Variants in CCDC80 observed in about 807,000 individuals in gnomAD.
CCDC80 encodes the protein coiled-coil domain containing 80.
A neutral mutation model predicts 78.7 loss-of-function variants in CCDC80; 49 were observed. That is an observed-to-expected ratio of 0.62 (90% CI 0.50 to 0.79). The LOEUF (loss-of-function observed/expected upper bound fraction) is 0.79, where lower values mean the gene tolerates loss of function less well. Among genes scored for constraint, CCDC80 ranks in the 30% least tolerant of loss-of-function variants. CCDC80 has a pLI of 0.00. For missense variants in CCDC80, 1,205 were observed against 1,198.6 expected, an observed-to-expected ratio of 1.01 and a Z score of -0.08; for synonymous variants, 488 against 447.0, an observed-to-expected ratio of 1.09 and a Z score of -1.16.
At chr3:112,606,808 A>G (rs957701292) in intron 7 of CCDC80, among the ~76,000 whole-genome samples, 4 of 151,946 alleles carry the variant, frequency 2.6e-5, no homozygotes, top group Non-Finnish European at 5.9e-5. Context: ...GGAATCAATG[A>G]GATATGACCT....
Position 112,600,954 on chromosome 3 carries a change from C to T in CCDC80, c.*4463G>A, listed in dbSNP as rs981731318. On this transcript the variant is annotated 3_prime_UTR_variant, in exon 8 of 8. Coordinates refer to ENST00000206423, the MANE Select transcript of CCDC80 (RefSeq NM_199511.3). ...TCCTGGCAAAAATTTAAAAGCAGTACACTTCGACGTGGCTCACTTTCCTGC... is the reference window on the plus strand; with the variant it reads ...TCCTGGCAAAAATTTAAAAGCAGTATACTTCGACGTGGCTCACTTTCCTGC... 1 of 152,160 alleles carries T rather than the reference C, an allele frequency of 6.6e-6. No individual in the cohort carries two copies. The highest frequency in any genetic ancestry group is 2.4e-5 in the African/African-American group (1 of 41,444). The allele number at this position is 152,160 out of a possible 1,614,324, so 9.4% of individuals were successfully genotyped here. A position where few individuals can be genotyped will look rare whatever the true frequency, so the allele number is the denominator to read the frequency against.
At chr3:112,611,952 T>C (rs1228911228) in intron 5 of CCDC80, among the ~76,000 whole-genome samples, 1 of 151,976 alleles carries the variant, frequency 6.6e-6, no homozygotes, top group Non-Finnish European at 1.5e-5. Context: ...GAGAAAATGA[T>C]AGTTTGATGA....
chr3:112,609,421 A>C, intron 6 of CCDC80, among the ~76,000 whole-genome samples: 1 of 152,186 alleles, frequency 6.6e-6, no homozygotes, highest in Admixed American at 6.5e-5. Context: ...TATTTAAGAG[A>C]TCTTGCTACT....
Position 112,616,847 on chromosome 3 carries a change from C to T in CCDC80, c.2184G>A (p.Glu728=). ...ACACAGACTTCATTGTTATTGGTAC[C>T]TCATAGTATTGCTGTTTAAGAAAAA... ...DVDLRVKQYY[E]VPITMKSVFD... is the part of the protein sequence containing the mutation. Residue 728 remains glutamate, a synonymous_variant, in exon 5 of 8, where the codon GAG becomes GAA. Transcript: ENST00000206423. 3.1e-6 allele frequency: 5 copies of T among 1,613,738 alleles called. No homozygotes were observed. The highest frequency in any genetic ancestry group is 4.2e-6 in the Non-Finnish European group (5 of 1,179,948).
intron 7 of CCDC80, 98 bp from the exon 8 acceptor site, chr3:112,605,861 C>A: frequency 1.1e-6 from 1 of 950,618 alleles, no homozygotes. Context: ...ATAGGGAGGA[C>A]CCATGAGCCT....
rs762888869 is a variant in CCDC80 at position 112,610,048 on chromosome 3, A to C, written c.2355T>G (p.Ser785=). 1.9e-6 allele frequency: 3 copies of C among 1,614,062 alleles called. No individual in the cohort carries two copies. Among genetic ancestry groups the C allele is most frequent in the Non-Finnish European group, 8.5e-7 (1 of 1,180,012 alleles). Residue 785 remains serine, a synonymous_variant, in exon 6 of 8, where the codon TCT becomes TCG. Transcript: ENST00000206423. ...AGGCCCAGTCTTCATCGTTAGGAGC[A>C]GAGATCACCAGCAACCTCCTCCTCC... ...FRWRRRLLVI[S]APNDEDWAYS...
At chr3:112,629,184 T>C (rs1464100488) in intron 3 of CCDC80, among the ~76,000 whole-genome samples, 1 of 152,058 alleles carries the variant, frequency 6.6e-6, no homozygotes, top group African/African-American at 2.4e-5. Flanking sequence ...TATTACTAAA[T>C]ATATTTTATA....
chr3:112,639,997 C>T (rs1394182050), intron 1 of CCDC80, 81 bp from the exon 2 acceptor site: 2 of 1,476,932 alleles, frequency 1.4e-6, no homozygotes, highest in Non-Finnish European at 1.8e-6. Context: ...CAGAGCTGGT[C>T]ATTTTCTTTT....
At chr3:112,639,967 G>T (rs1936310527) in intron 1 of CCDC80, 51 bp from the exon 2 acceptor site, 1 of 1,538,562 alleles carries the variant, frequency 6.5e-7, no homozygotes, top group African/African-American at 1.4e-5. Flanking sequence ...AAAAAAGAAA[G>T]AAAATTATTT....
intron 7 of CCDC80, 40 bp downstream of exon 7, chr3:112,607,136 T>A: frequency 7.0e-7 from 1 of 1,437,832 alleles, no homozygotes; most frequent in Non-Finnish European, 9.7e-7. Flanking sequence ...TAACTGAACT[T>A]AACACTAGTT....
intron 2 of CCDC80, among the ~76,000 whole-genome samples, chr3:112,634,861 C>A (rs1372537752): frequency 6.6e-6 from 1 of 152,154 alleles, no homozygotes; most frequent in Non-Finnish European, 1.5e-5. Context: ...AATTCTAATT[C>A]CGACTTCACC....
At chr3:112,626,540 T>G (rs1935978386) in intron 3 of CCDC80, among the ~76,000 whole-genome samples, 1 of 152,286 alleles carries the variant, frequency 6.6e-6, no homozygotes, top group South Asian at 2.1e-4. Context: ...TTTGTTTATT[T>G]ATTGATTTAT....
At chr3:112,606,314 A>G (rs1184225108) in intron 7 of CCDC80, among the ~76,000 whole-genome samples, 1 of 152,276 alleles carries the variant, frequency 6.6e-6, no homozygotes, top group Non-Finnish European at 1.5e-5. Context: ...CATTCTGCCA[A>G]GTATTTTACA....
At position 112,599,107 on chromosome 3, in the gene CCDC80, C is replaced by T. The variant is rs1935332478; in HGVS notation, c.*6310G>A. 1 of 152,148 alleles carries T rather than the reference C, an allele frequency of 6.6e-6. No individual in the cohort carries two copies. Among genetic ancestry groups the T allele is most frequent in the African/African-American group, 2.4e-5 (1 of 41,410 alleles). 9.4% of individuals were successfully genotyped at this position (152,148 alleles called of 1,614,324 possible). A position where few individuals can be genotyped will look rare whatever the true frequency, so the allele number is the denominator to read the frequency against. On this transcript the variant is annotated 3_prime_UTR_variant, in exon 8 of 8. Transcript: ENST00000206423. ...TAGGAACTTAGGTATCTAGTCTTCTCTGTCATTTTGTAATGAGAAACTGAG... is the reference window on the plus strand; with the variant it reads ...TAGGAACTTAGGTATCTAGTCTTCTTTGTCATTTTGTAATGAGAAACTGAG...
At position 112,641,059 on chromosome 3, in the gene CCDC80, A is replaced by G. The variant is rs1559883982; in HGVS notation, c.-744T>C. 6.6e-6 allele frequency: 1 copy of G among 152,282 alleles called. No individual in the cohort carries two copies. Among genetic ancestry groups the G allele is most frequent in the Non-Finnish European group, 1.5e-5 (1 of 68,084 alleles). 9.4% of individuals were successfully genotyped at this position (152,282 alleles called of 1,614,324 possible). A position where few individuals can be genotyped will look rare whatever the true frequency, so the allele number is the denominator to read the frequency against. ...AGCCACTGGAAATCAAGGAAACTTC[A>G]CTAAGAATTTAACAGATCAGCAAAA... On this transcript the variant is annotated 5_prime_UTR_variant, in exon 1 of 8. Coordinates refer to ENST00000206423, the MANE Select transcript of CCDC80 (RefSeq NM_199511.3).
At chr3:112,621,876 G>T (rs1935875008) in intron 3 of CCDC80, among the ~76,000 whole-genome samples, 1 of 152,212 alleles carries the variant, frequency 6.6e-6, no homozygotes, top group African/African-American at 2.4e-5. Flanking sequence ...AGTTTGGAAG[G>T]TCCAACTCTA....
intron 3 of CCDC80, among the ~76,000 whole-genome samples, chr3:112,622,519 T>C (rs1326705363): frequency 6.6e-6 from 1 of 152,220 alleles, no homozygotes; most frequent in Non-Finnish European, 1.5e-5. Context: ...CAGGGCTCAG[T>C]GTTGAGGTTC....
chr3:112,623,752 T>C (rs2399450), intron 3 of CCDC80, among the ~76,000 whole-genome samples: 151,239 of 152,164 alleles, frequency 0.99, 75,167 homozygotes, highest in Middle Eastern at 1. Flanking sequence ...TTCCTCCACA[T>C]GTTATGCTCC....
At chr3:112,611,312 C>T (rs1457195238) in intron 5 of CCDC80, among the ~76,000 whole-genome samples, 2 of 152,200 alleles carry the variant, frequency 1.3e-5, no homozygotes, top group East Asian at 3.8e-4. Context: ...CACATGATAA[C>T]ATGGATATAG....
Sources: gnomAD v4.1 joint callset for allele counts (sites outside exome capture counted in the v4.1 genomes callset) on GRCh38, gnomAD v4.1.1 for gene constraint, MANE v1.5 for transcripts, NCBI Gene and HGNC (gene_info 2026-07-23, HGNC 2026-07-21) for gene names.